The following RANBP17 variants were observed in gnomAD, a reference collection of about 807,000 sequenced individuals.
RANBP17 encodes RAN binding protein 17.
In RANBP17, 158 loss-of-function variants were observed where a neutral mutation model predicts 141.2. The observed-to-expected ratio is 1.12, with a 90% confidence interval of 0.98 to 1.28. The LOEUF is 1.28. RANBP17 is among the 50% of genes most tolerant of loss of function. The pLI is 0.00. For synonymous variants in RANBP17, 430 were observed against 450.0 expected (o/e 0.96, Z 0.56); for missense variants, 1,438 against 1,290.7 (o/e 1.11, Z -1.75).
chr5:171,141,479 C>T (rs1757690991), intron 14 of RANBP17, among the ~76,000 whole-genome samples: 2 of 149,704 alleles, frequency 1.3e-5, no homozygotes, highest in Admixed American at 6.7e-5. Context: ...TGGTGGTGGG[C>T]ACCTGTAGCG....
At chr5:171,067,717 C>T (rs1283368926) in intron 14 of RANBP17, among the ~76,000 whole-genome samples, 2 of 151,988 alleles carry the variant, frequency 1.3e-5, no homozygotes, top group Non-Finnish European at 2.9e-5. Flanking sequence ...ATCCCACTGC[C>T]TTCTGACCTC....
intron 2 of RANBP17, among the ~76,000 whole-genome samples, chr5:170,881,208 C>T (rs1175845481): frequency 1.3e-5 from 2 of 152,106 alleles, no homozygotes; most frequent in Non-Finnish European, 2.9e-5. Flanking sequence ...CCATAGTTTG[C>T]CAGCCTCTGG....
At chr5:171,048,319 C>G (rs999058920) in intron 14 of RANBP17, among the ~76,000 whole-genome samples, 16 of 152,170 alleles carry the variant, frequency 1.1e-4, no homozygotes, top group Non-Finnish European at 2.2e-4. Context: ...CTCAGTCTTT[C>G]AAAGTGCTGG....
intron 14 of RANBP17, chr5:170,968,827 A>G (rs1184308345): frequency 4.9e-6 from 2 of 408,936 alleles, no homozygotes; most frequent in Admixed American, 3.2e-5. Flanking sequence ...GAGACTGCAT[A>G]TAACCTTAAT....
chr5:171,130,586 G>A (rs1322482746), intron 14 of RANBP17, among the ~76,000 whole-genome samples: 1 of 151,618 alleles, frequency 6.6e-6, no homozygotes, highest in African/African-American at 2.4e-5. Flanking sequence ...ACAGGCATGC[G>A]CCACCATGCC....
At chr5:170,912,891 A>G (rs1771647509) in intron 7 of RANBP17, among the ~76,000 whole-genome samples, 1 of 151,982 alleles carries the variant, frequency 6.6e-6, no homozygotes, top group Admixed American at 6.6e-5. Context: ...ATGAAAAAAG[A>G]TATTCACTAA....
intron 11 of RANBP17, among the ~76,000 whole-genome samples, chr5:170,920,416 G>C (rs1772342921): frequency 6.6e-6 from 1 of 151,858 alleles, no homozygotes; most frequent in Non-Finnish European, 1.5e-5. Flanking sequence ...ATAATGTTGA[G>C]CATATTTTCA....
intron 5 of RANBP17, chr5:170,896,921 G>A (rs1561866061): frequency 1.3e-5 from 9 of 668,940 alleles, no homozygotes; most frequent in Admixed American, 4.4e-5. Context: ...AGCTGACTAT[G>A]CACCAGAATG....
intron 13 of RANBP17, among the ~76,000 whole-genome samples, chr5:170,967,332 A>C (rs528002547): frequency 6.6e-6 from 1 of 152,260 alleles, no homozygotes; most frequent in Non-Finnish European, 1.5e-5. Context: ...CATATATGGA[A>C]GAAACTGGGT....
chr5:170,952,983 A>G (rs1463181318), intron 12 of RANBP17, among the ~76,000 whole-genome samples: 1 of 152,122 alleles, frequency 6.6e-6, no homozygotes, highest in Non-Finnish European at 1.5e-5. Flanking sequence ...CCTTAAATCT[A>G]TTTAATCCTC....
chr5:170,995,741 T>G (rs1778776595), intron 14 of RANBP17, among the ~76,000 whole-genome samples: 1 of 152,154 alleles, frequency 6.6e-6, no homozygotes, highest in African/African-American at 2.4e-5. Flanking sequence ...ACATTTTCCT[T>G]TATGAAAAAT....
At chr5:171,084,147 T>G (rs1274620008) in intron 14 of RANBP17, among the ~76,000 whole-genome samples, 3 of 134,720 alleles carry the variant, frequency 2.2e-5, no homozygotes, top group African/African-American at 8.4e-5. Flanking sequence ...GAGTGTGATA[T>G]TCCCCTTCCT....
intron 22 of RANBP17, among the ~76,000 whole-genome samples, chr5:171,230,192 G>A (rs1490015372): frequency 1.3e-5 from 2 of 152,152 alleles, no homozygotes; most frequent in East Asian, 1.9e-4. Context: ...GAAGTATTTA[G>A]AGTGCCATAG....
At chr5:171,080,102 GT>G (rs1366101979) in intron 14 of RANBP17, among the ~76,000 whole-genome samples, 1 of 151,910 alleles carries the variant, frequency 6.6e-6, no homozygotes, top group Non-Finnish European at 1.5e-5. Flanking sequence ...GTTTTGTTTT[GT>G]TTTCTTTTTA....
At chr5:171,028,423 G>A (rs1184849241) in intron 14 of RANBP17, among the ~76,000 whole-genome samples, 1 of 152,080 alleles carries the variant, frequency 6.6e-6, no homozygotes, top group African/African-American at 2.4e-5. Flanking sequence ...TGCCAGATAA[G>A]TTAACCTCTG....
chr5:171,141,325 A>G (rs1757674715), intron 14 of RANBP17, among the ~76,000 whole-genome samples: 1 of 151,956 alleles, frequency 6.6e-6, no homozygotes, highest in Admixed American at 6.6e-5. Flanking sequence ...GGCTGGGCGC[A>G]GTGCCTCACA....
At chr5:171,211,253 A>G (rs1762862208) in intron 20 of RANBP17, among the ~76,000 whole-genome samples, 1 of 151,028 alleles carries the variant, frequency 6.6e-6, no homozygotes, top group Non-Finnish European at 1.5e-5. Context: ...TCCCTGCCTT[A>G]TTTTCCTTTG....
intron 14 of RANBP17, among the ~76,000 whole-genome samples, chr5:171,148,894 G>T (rs188287555): frequency 5.3e-5 from 8 of 152,282 alleles, no homozygotes; most frequent in Admixed American, 5.2e-4. Flanking sequence ...ATGAGATAAA[G>T]TATATAAAGT....
intron 25 of RANBP17, among the ~76,000 whole-genome samples, chr5:171,272,734 A>C (rs1767202476): frequency 1.3e-5 from 2 of 152,316 alleles, no homozygotes; most frequent in African/African-American, 2.4e-5. Flanking sequence ...GCCATCCTTA[A>C]GGTAGAATGG....
Sources: gnomAD v4.1 joint callset for allele counts (sites outside exome capture counted in the v4.1 genomes callset) on GRCh38, gnomAD v4.1.1 for gene constraint, MANE v1.5 for transcripts, NCBI Gene and HGNC (gene_info 2026-07-23, HGNC 2026-07-21) for gene names.